AUTS2: variants seen among roughly 807,000 people sequenced by gnomAD.
AUTS2 encodes the protein activator of transcription and developmental regulator AUTS2, also known as autism susceptibility gene 2 protein.
AUTS2 carries 17 observed loss-of-function variants against 112.4 expected under a neutral mutation model. That is an observed-to-expected ratio of 0.15 (90% confidence interval 0.10 to 0.23). AUTS2 has a LOEUF of 0.23. AUTS2 is among the 10% of genes least tolerant of loss of function. The pLI, the probability that AUTS2 is intolerant of heterozygous loss-of-function variation, is 1.00. For missense variants in AUTS2, 1,510 were observed against 1,701.6 expected (o/e 0.89, Z 1.98); for synonymous variants, 751 against 702.7 (o/e 1.07, Z -1.09).
At chr7:70,348,638 A>G (rs1791607072) in intron 4 of AUTS2, among the ~76,000 whole-genome samples, 1 of 151,908 alleles carries the variant, frequency 6.6e-6, no homozygotes, top group South Asian at 2.1e-4. Flanking sequence ...CCCCGTCTCT[A>G]CTAAAAAATA....
At chr7:70,550,329 T>G (rs1271191946) in intron 5 of AUTS2, among the ~76,000 whole-genome samples, 1 of 152,200 alleles carries the variant, frequency 6.6e-6, no homozygotes, top group African/African-American at 2.4e-5. Flanking sequence ...CATGTTAGTG[T>G]CGACCCATTA....
At chr7:70,470,655 A>G (rs4717530) in intron 5 of AUTS2, among the ~76,000 whole-genome samples, 66,506 of 151,926 alleles carry the variant, frequency 0.44, 15,686 homozygotes, top group East Asian at 0.67. Context: ...CAGTAAATGG[A>G]CACAATGCAG....
intron 5 of AUTS2, among the ~76,000 whole-genome samples, chr7:70,477,078 T>A (rs1307677460): frequency 6.6e-6 from 1 of 152,224 alleles, no homozygotes; most frequent in East Asian, 1.9e-4. Context: ...GAAATTACTG[T>A]CCAAGTACAC....
intron 2 of AUTS2, among the ~76,000 whole-genome samples, chr7:70,017,409 T>C (rs1407087386): frequency 6.6e-6 from 1 of 152,236 alleles, no homozygotes; most frequent in East Asian, 1.9e-4. Flanking sequence ...TTGCTGAGAC[T>C]AAATTAATCA....
intron 1 of AUTS2, among the ~76,000 whole-genome samples, chr7:69,705,118 C>T (rs564811161): frequency 2.1e-4 from 32 of 152,302 alleles, no homozygotes; most frequent in African/African-American, 6.0e-4. Flanking sequence ...CTGCCTGCCT[C>T]GGCCTCCCAC....
At chr7:70,496,762 T>C (rs1225362193) in intron 5 of AUTS2, among the ~76,000 whole-genome samples, 1 of 70,174 alleles carries the variant, frequency 1.4e-5, no homozygotes, top group African/African-American at 5.6e-5. Flanking sequence ...CACACCCCAC[T>C]CACACCACGT....
chr7:70,320,674 G>T (rs1178483936), intron 4 of AUTS2, among the ~76,000 whole-genome samples: 1 of 152,172 alleles, frequency 6.6e-6, no homozygotes, highest in Admixed American at 6.5e-5. Flanking sequence ...GATAGGCAAG[G>T]CAGAGGTAAG....
intron 4 of AUTS2, among the ~76,000 whole-genome samples, chr7:70,243,750 A>G (rs1259158347): frequency 1.3e-5 from 2 of 152,168 alleles, no homozygotes. Context: ...TTCACACATC[A>G]TCACCAAAAG....
At chr7:70,482,066 G>C (rs116858678) in intron 5 of AUTS2, among the ~76,000 whole-genome samples, 1 of 152,264 alleles carries the variant, frequency 6.6e-6, no homozygotes, top group East Asian at 1.9e-4. Context: ...TTGAGCAAAA[G>C]ACCTAACCTT....
chr7:70,779,247 T>A (rs1790903865), intron 14 of AUTS2, among the ~76,000 whole-genome samples: 1 of 152,228 alleles, frequency 6.6e-6, no homozygotes, highest in African/African-American at 2.4e-5. Flanking sequence ...CATTATAGCA[T>A]TCCCTGTAGA....
At chr7:70,166,528 A>G (rs193068028) in intron 4 of AUTS2, among the ~76,000 whole-genome samples, 3 of 152,168 alleles carry the variant, frequency 2.0e-5, no homozygotes, top group South Asian at 2.1e-4. Context: ...TGTACAATAC[A>G]TGAAATAGTA....
At chr7:70,299,902 A>G (rs184414070) in intron 4 of AUTS2, among the ~76,000 whole-genome samples, 2 of 151,566 alleles carry the variant, frequency 1.3e-5, no homozygotes, top group East Asian at 1.9e-4. Flanking sequence ...TTTTTTTTCT[A>G]CATTGGAGAC....
chr7:69,713,008 A>G (rs1224688035), intron 1 of AUTS2, among the ~76,000 whole-genome samples: 4 of 152,098 alleles, frequency 2.6e-5, no homozygotes, highest in African/African-American at 7.2e-5. Context: ...TGCTGTCCAT[A>G]TATCTTCTTT....
intron 6 of AUTS2, among the ~76,000 whole-genome samples, chr7:70,733,679 A>G (rs1339214755): frequency 1.3e-5 from 2 of 151,920 alleles, no homozygotes; most frequent in Non-Finnish European, 2.9e-5. Context: ...CTCCGCCTCC[A>G]GGGTTCAAGT....
chr7:69,632,623 G>A (rs1794309270), intron 1 of AUTS2, among the ~76,000 whole-genome samples: 1 of 132,434 alleles, frequency 7.6e-6, no homozygotes, highest in Admixed American at 9.2e-5. Context: ...TTCCCTCTCT[G>A]TTTTCTTTCT....
At chr7:70,012,352 C>G (rs967514184) in intron 2 of AUTS2, among the ~76,000 whole-genome samples, 2 of 152,120 alleles carry the variant, frequency 1.3e-5, no homozygotes, top group African/African-American at 4.8e-5. Context: ...TGTAAGAGGC[C>G]CCCTTGGTAA....
chr7:69,787,158 G>A (rs1357707979), intron 1 of AUTS2, among the ~76,000 whole-genome samples: 1 of 152,172 alleles, frequency 6.6e-6, no homozygotes, highest in African/African-American at 2.4e-5. Context: ...AGATCACAGA[G>A]ACACTGATTT....
intron 4 of AUTS2, among the ~76,000 whole-genome samples, chr7:70,163,163 T>A (rs1237562066): frequency 1.3e-5 from 2 of 151,632 alleles, no homozygotes; most frequent in Non-Finnish European, 2.9e-5. Context: ...TTGGTTTAGA[T>A]AAGTTAACTG....
At chr7:70,539,995 G>A (rs1365042497) in intron 5 of AUTS2, among the ~76,000 whole-genome samples, 1 of 152,144 alleles carries the variant, frequency 6.6e-6, no homozygotes, top group African/African-American at 2.4e-5. Context: ...CTGTTTTCCA[G>A]CCATTAGCTT....
Sources: allele counts gnomAD v4.1 joint callset (sites outside exome capture counted in the v4.1 genomes callset), GRCh38; gene constraint gnomAD v4.1.1; transcripts MANE v1.5; gene names NCBI Gene and HGNC (gene_info 2026-07-23, HGNC 2026-07-21).